Variants in SLC7A8 observed in about 807,000 individuals in gnomAD.
The protein encoded by SLC7A8 is solute carrier family 7 member 8, also known as large neutral amino acids transporter small subunit 2.
A neutral mutation model predicts 51.2 loss-of-function variants in SLC7A8; 30 were observed. That is an observed-to-expected ratio of 0.59 (90% confidence interval 0.44 to 0.80). SLC7A8 has a LOEUF of 0.80. Among genes scored for constraint, SLC7A8 ranks in the 30% least tolerant of loss-of-function variants. The pLI, the probability that SLC7A8 is intolerant of heterozygous loss-of-function variation, is 0.00. For missense variants in SLC7A8, 612 were observed against 674.4 expected (o/e 0.91, Z 1.03); for synonymous variants, 257 against 275.8 (o/e 0.93, Z 0.67).
chr14:23,134,263 C>T (rs144576515), intron 7 of SLC7A8, among the ~76,000 whole-genome samples: 1 of 149,986 alleles, frequency 6.7e-6, no homozygotes, highest in Non-Finnish European at 1.5e-5. Context: ...ATGGTGAAAC[C>T]CTGTCTCTAC....
At chr14:23,174,163 G>A (rs537665675) in intron 1 of SLC7A8, among the ~76,000 whole-genome samples, 7 of 152,240 alleles carry the variant, frequency 4.6e-5, no homozygotes, top group Non-Finnish European at 8.8e-5. Context: ...CAATATCAGG[G>A]TCCAAATACC....
intron 7 of SLC7A8, among the ~76,000 whole-genome samples, chr14:23,134,334 G>C (rs1222159035): frequency 6.6e-6 from 1 of 150,872 alleles, no homozygotes; most frequent in South Asian, 2.1e-4. Context: ...CTACTGAGGG[G>C]GCTGAGGTGG....
rs1203312972 is a variant in SLC7A8 at position 23,127,173 on chromosome 14, G to A, written c.*4C>T. 9.3e-6 allele frequency: 15 copies of A among 1,613,826 alleles called. No individual in the cohort carries two copies. The highest frequency in any genetic ancestry group is 1.3e-5 in the Non-Finnish European group (15 of 1,179,852). ...AGGAGAGAGTAGCCAGGGAATGGTG[G>A]TCCTCAGGGCTGGGGCTGCCCCGCC... On this transcript the variant is annotated 3_prime_UTR_variant, in exon 11 of 11. Transcript: ENST00000316902.
chr14:23,170,173 G>T (rs2140337557), intron 1 of SLC7A8, among the ~76,000 whole-genome samples: 1 of 152,332 alleles, frequency 6.6e-6, no homozygotes, highest in African/African-American at 2.4e-5. Context: ...GGCTCAGAGA[G>T]GTGAAGGGAC....
At chr14:23,181,514 G>A (rs1435802187) in intron 1 of SLC7A8, among the ~76,000 whole-genome samples, 1 of 152,186 alleles carries the variant, frequency 6.6e-6, no homozygotes, top group East Asian at 1.9e-4. Context: ...AGTTCTGGGT[G>A]TAGAGGTGAA....
In SLC7A8 at chr14:23,182,823, C is replaced by T. The variant is rs1191395072; in HGVS notation, c.92G>A (p.Gly31Glu). The stretch of plus-strand genomic sequence containing the variant: ...CTCTTTCTTCAGGGCTACTCCGCCC[C>T]CTCCGGAACCAGCCTCGGGGCTGGC... ...SDASPEAGSGGGGVALKKEIG... is the reference protein window; with the variant it reads ...SDASPEAGSGEGGVALKKEIG... Residue 31 changes from glycine (G) to glutamate (E), a missense_variant, in exon 1 of 11, where the codon GGG (glycine) becomes GAG (glutamate). Gly to Glu is a moderately conservative substitution (Grantham distance 98, BLOSUM62 -2). Transcript: ENST00000316902. 2 of 1,613,804 alleles carry T rather than the reference C, an allele frequency of 1.2e-6. No individual in the cohort carries two copies. The highest frequency in any genetic ancestry group is 1.7e-6 in the Non-Finnish European group (2 of 1,179,886).
At chr14:23,179,905 A>AC (rs1380574207) in intron 1 of SLC7A8, among the ~76,000 whole-genome samples, 19 of 134,138 alleles carry the variant, frequency 1.4e-4, no homozygotes, top group Admixed American at 7.3e-5. Context: ...TCTCTTTTTG[A>AC]CTTTTTTTTT....
intron 1 of SLC7A8, among the ~76,000 whole-genome samples, chr14:23,179,598 A>G (rs897697817): frequency 5.3e-5 from 8 of 151,946 alleles, no homozygotes; most frequent in African/African-American, 1.9e-4. Flanking sequence ...TCTTGAGCCC[A>G]GGAGTTGGAG....
At chr14:23,133,911 A>G (rs2048664022) in intron 7 of SLC7A8, among the ~76,000 whole-genome samples, 1 of 152,136 alleles carries the variant, frequency 6.6e-6, no homozygotes, top group Admixed American at 6.5e-5. Context: ...ATAACATCAA[A>G]TGAAAAAACA....
At chr14:23,132,814 T>C (rs1312650617) in intron 7 of SLC7A8, among the ~76,000 whole-genome samples, 1 of 151,940 alleles carries the variant, frequency 6.6e-6, no homozygotes, top group South Asian at 2.1e-4. Flanking sequence ...TTTTGTATTT[T>C]TGGTGGAGAC....
chr14:23,165,320 T>C lies in SLC7A8; in HGVS notation c.473A>G (p.Glu158Gly). Residue 158 changes from glutamate (E) to glycine (G), a missense_variant, in exon 3 of 11, where the codon GAG (glutamate) becomes GGG (glycine). Glu to Gly is a moderately conservative substitution (Grantham distance 98). Transcript: ENST00000316902. This position sits in a 1 kb window ranked among gnomAD's most constrained non-coding sequence, Gnocchi z 4.2. ...QPLFPTCFPP[E>G]SGLRLLAAIC... ...GGCAGCCAGGAGCCGAAGGCCAGAC[T>C]CTGGGGGGAAGCAGGTGGGGAAGAG... is the stretch of plus-strand genomic sequence containing the variant. 6.2e-7 allele frequency: 1 copy of C among 1,608,652 alleles called. No individual in the cohort carries two copies. Among genetic ancestry groups the C allele is most frequent in the Non-Finnish European group, 8.5e-7 (1 of 1,177,692 alleles).
At chr14:23,142,699 G>T (rs8010718) in intron 4 of SLC7A8, among the ~76,000 whole-genome samples, 3 of 151,702 alleles carry the variant, frequency 2.0e-5, no homozygotes, top group Non-Finnish European at 4.4e-5. Flanking sequence ...ATGGGATCTC[G>T]CTGTGCTGTT....
chr14:23,182,919 C>T lies in SLC7A8; in HGVS notation c.-5G>A. On this transcript the variant is annotated 5_prime_UTR_variant, in exon 1 of 11. Transcript: ENST00000316902. ...GTGCCTGGCTCCTTCTTCCATCCTT[C>T]TCAGTAGGATTGCAACCTCAAAAGC... The T allele has an allele frequency of 3.1e-6, 5 of 1,614,142 alleles. No individual in the cohort carries two copies. The highest frequency in any genetic ancestry group is 4.2e-6 in the Non-Finnish European group (5 of 1,180,018).
chr14:23,151,201 G>C (rs1312729614), intron 3 of SLC7A8, among the ~76,000 whole-genome samples: 1 of 152,174 alleles, frequency 6.6e-6, no homozygotes, highest in African/African-American at 2.4e-5. Flanking sequence ...ACAATCCCCT[G>C]GTGGCTGGTG....
intron 6 of SLC7A8, 22 bp from the exon 7 acceptor site, chr14:23,138,046 T>G (rs758137199): frequency 6.2e-7 from 1 of 1,613,262 alleles, no homozygotes; most frequent in Admixed American, 1.7e-5. Context: ...ACCAAGGAGA[T>G]AAGCAAAGGA....
At chr14:23,146,882 G>T (rs2048799475) in intron 3 of SLC7A8, 1 of 152,194 alleles carries the variant, frequency 6.6e-6, no homozygotes, top group African/African-American at 2.4e-5. Flanking sequence ...TGCTCGCCAA[G>T]CTCCTGCCCC....
rs1401027806 is a variant in SLC7A8 at position 23,161,887 on chromosome 14, A to C, written c.508+3398T>G. ...GGTTGCAGTGAGCCAAGATGGCGCCACTACACTCCAGCCTGGGTGACAGAG... is the reference window on the plus strand; with the variant it reads ...GGTTGCAGTGAGCCAAGATGGCGCCCCTACACTCCAGCCTGGGTGACAGAG... On this transcript the variant is annotated intron_variant, in intron 3 of 10. Coordinates refer to ENST00000316902, the MANE Select transcript of SLC7A8 (RefSeq NM_012244.4). 2.8e-5 allele frequency among the ~76,000 whole-genome samples: 4 copies of C among 144,130 alleles called. No individual in the cohort carries two copies. The East Asian group carries it at 8.2e-4, about 30-fold the overall frequency. The allele number at this position is 144,130 out of a possible 152,430, so 94.6% of individuals were successfully genotyped here. A position where few individuals can be genotyped will look rare whatever the true frequency, so the allele number is the denominator to read the frequency against.
intron 1 of SLC7A8, among the ~76,000 whole-genome samples, chr14:23,170,345 A>G (rs886778381): frequency 6.6e-6 from 1 of 152,226 alleles, no homozygotes; most frequent in South Asian, 2.1e-4. Context: ...GACACTGTCT[A>G]AGTGAGACTT....
intron 10 of SLC7A8, 28 bp downstream of exon 10, chr14:23,127,991 A>G (rs757443205): frequency 3.1e-6 from 5 of 1,599,998 alleles, no homozygotes; most frequent in Non-Finnish European, 4.3e-6. Flanking sequence ...GGAGGCCCTG[A>G]AGCCAGCCAG....
Sources: allele counts gnomAD v4.1 joint callset (sites outside exome capture counted in the v4.1 genomes callset), GRCh38; gene constraint gnomAD v4.1.1; non-coding constraint Gnocchi (gnomAD v3.1); transcripts MANE v1.5; gene names NCBI Gene and HGNC (gene_info 2026-07-23, HGNC 2026-07-21).